The following B3GLCT variants were observed in gnomAD, a reference collection of about 807,000 sequenced individuals.
B3GLCT encodes the protein beta-1,3-glucosyltransferase.
In B3GLCT, 65 loss-of-function variants were observed where a neutral mutation model predicts 63.4. The ratio of observed to expected loss-of-function variants is 1.03; its 90% CI spans 0.84 to 1.26. B3GLCT has a LOEUF of 1.26. B3GLCT is among the 50% of genes most tolerant of loss of function. The pLI is 0.00. For missense variants in B3GLCT, 577 were observed against 604.8 expected (o/e 0.95, Z 0.48); for synonymous variants, 233 against 219.2 (o/e 1.06, Z -0.55).
At chr13:31,270,820 C>CGTTA (rs1872548078) in intron 8 of B3GLCT, among the ~76,000 whole-genome samples, 1 of 152,054 alleles carries the variant, frequency 6.6e-6, no homozygotes. Flanking sequence ...ATTTTTTGCT[C>CGTTA]CTTAGTTCAG....
In B3GLCT at chr13:31,201,089, A is replaced by AT. The variant is rs1387879639; in HGVS notation, c.70+944dup. ...ACTTTGAAAGCTTGAGCGAAAAATT[A>AT]TTTTTTTTTCAGACTGCTACAGAGT... On this transcript the variant is annotated intron_variant, in intron 1 of 14. Coordinates refer to ENST00000343307, the MANE Select transcript of B3GLCT (RefSeq NM_194318.4). Among the ~76,000 whole-genome samples, 377 of 149,174 alleles carry AT rather than the reference A, an allele frequency of 2.5e-3. 2 individuals are homozygous for AT. Among genetic ancestry groups the AT allele is most frequent in the African/African-American group, 8.0e-3 (324 of 40,678 alleles).
intron 8 of B3GLCT, among the ~76,000 whole-genome samples, chr13:31,271,343 CATA>C (rs1475241124): frequency 2.0e-5 from 3 of 152,150 alleles, no homozygotes; most frequent in African/African-American, 7.2e-5. Flanking sequence ...CCCATATGAC[CATA>C]ATAATTTATT....
rs1871996464 is a variant in B3GLCT at position 31,260,958 on chromosome 13, G to A, written c.472G>A (p.Gly158Arg). 7 of 1,613,542 alleles carry A rather than the reference G, an allele frequency of 4.3e-6. No homozygotes were observed. In the East Asian group the frequency reaches 1.6e-4, roughly 36 times the overall value. ...RYDPSKEWFL[G>R]KALHDEEATI... is the part of the protein sequence containing the mutation. The stretch of plus-strand genomic sequence containing the variant: ...CTTTATTTAACAGGAATGGTTTTTG[G>A]GAAAAGCATTACATGATGAAGAAGC... Residue 158 changes from glycine (G) to arginine (R), a missense_variant, in exon 7 of 15, where the codon GGA becomes AGA. Physicochemically the swap from Gly to Arg is moderately radical, Grantham distance 125. Coordinates refer to ENST00000343307, the MANE Select transcript of B3GLCT (RefSeq NM_194318.4).
At chr13:31,277,440 T>C (rs1872851299) in intron 10 of B3GLCT, among the ~76,000 whole-genome samples, 1 of 152,142 alleles carries the variant, frequency 6.6e-6, no homozygotes, top group Admixed American at 6.5e-5. Context: ...TCTCTCTTTT[T>C]GCACCTTATT....
At chr13:31,279,183 C>G (rs1872936118) in intron 10 of B3GLCT, among the ~76,000 whole-genome samples, 1 of 152,102 alleles carries the variant, frequency 6.6e-6, no homozygotes, top group Non-Finnish European at 1.5e-5. Context: ...GGAATTGAAA[C>G]CCACACAGGA....
At chr13:31,253,497 G>A (rs1871542561) in intron 6 of B3GLCT, among the ~76,000 whole-genome samples, 1 of 149,066 alleles carries the variant, frequency 6.7e-6, no homozygotes, top group African/African-American at 2.5e-5. Context: ...GGAGGCTGAG[G>A]CAGGAGAATG....
intron 12 of B3GLCT, among the ~76,000 whole-genome samples, chr13:31,301,360 C>T (rs569012637): frequency 2.1e-4 from 32 of 152,268 alleles, no homozygotes; most frequent in African/African-American, 7.5e-4. Flanking sequence ...TTAACTGGTT[C>T]CAATTTTAGC....
chr13:31,275,785 A>T (rs1052440352), intron 9 of B3GLCT, among the ~76,000 whole-genome samples: 4 of 150,828 alleles, frequency 2.7e-5, no homozygotes, highest in Non-Finnish European at 5.9e-5. Flanking sequence ...AAATACATAG[A>T]CACACACACA....
At chr13:31,246,247 A>G (rs1347814714) in intron 4 of B3GLCT, among the ~76,000 whole-genome samples, 1 of 152,180 alleles carries the variant, frequency 6.6e-6, no homozygotes, top group Admixed American at 6.5e-5. Context: ...TGAGATATGA[A>G]ATTTTTGACT....
chr13:31,278,809 G>A (rs1271049943), intron 10 of B3GLCT, among the ~76,000 whole-genome samples: 1 of 152,060 alleles, frequency 6.6e-6, no homozygotes, highest in Non-Finnish European at 1.5e-5. Flanking sequence ...TACATTTTCT[G>A]GTGTGTTTTT....
chr13:31,200,101 G>A lies in B3GLCT; in HGVS notation c.17G>A (p.Cys6Tyr), dbSNP rs759120105. The change falls in exon 1 of 15, where the codon TGC becomes TAC. Residue 6 changes from cysteine to tyrosine, a missense_variant. Transcript: ENST00000343307. ...GCCGCCAGGATGCGGCCGCCCGCCT[G>A]CTGGTGGCTGCTCGCGCCGCCGGCG... MRPPA[C>Y]WWLLAPPALL... The A allele has an allele frequency of 5.7e-5, 79 of 1,375,972 alleles. No individual in the cohort carries two copies. Among genetic ancestry groups the A allele is most frequent in the Non-Finnish European group, 7.3e-5 (77 of 1,055,100 alleles). 85.2% of individuals were successfully genotyped at this position (1,375,972 alleles called of 1,614,324 possible).
At chr13:31,232,844 G>A (rs934778750) in intron 4 of B3GLCT, among the ~76,000 whole-genome samples, 7 of 152,194 alleles carry the variant, frequency 4.6e-5, no homozygotes, top group Non-Finnish European at 1.0e-4. Flanking sequence ...GCAGAGAATA[G>A]ACTATGTCTT....
intron 12 of B3GLCT, among the ~76,000 whole-genome samples, chr13:31,295,382 A>G (rs965050409): frequency 6.6e-6 from 1 of 152,078 alleles, no homozygotes; most frequent in African/African-American, 2.4e-5. Context: ...GCCGGCAGGC[A>G]TGAACGTTTA....
intron 14 of B3GLCT, among the ~76,000 whole-genome samples, chr13:31,326,541 A>G (rs1875635004): frequency 6.6e-6 from 1 of 151,934 alleles, no homozygotes; most frequent in South Asian, 2.1e-4. Flanking sequence ...TCGGCCTCCC[A>G]AAGTGCTGGG....
chr13:31,271,017 C>A (rs961440166), intron 8 of B3GLCT, among the ~76,000 whole-genome samples: 1 of 152,246 alleles, frequency 6.6e-6, no homozygotes, highest in South Asian at 2.1e-4. Context: ...GGACTCTCCT[C>A]CCCTGCATAA....
chr13:31,201,431 A>G (rs1045785321), intron 1 of B3GLCT, among the ~76,000 whole-genome samples: 2 of 152,198 alleles, frequency 1.3e-5, no homozygotes, highest in Non-Finnish European at 2.9e-5. Flanking sequence ...CACCTCCGGC[A>G]GAGAAGGCTG....
At chr13:31,237,883 C>G (rs1348242330) in intron 4 of B3GLCT, among the ~76,000 whole-genome samples, 1 of 152,114 alleles carries the variant, frequency 6.6e-6, no homozygotes, top group East Asian at 1.9e-4. Context: ...ACCTGGGACC[C>G]CAACTGTGAA....
At chr13:31,232,419 TTAGA>T (rs1870424657) in intron 4 of B3GLCT, among the ~76,000 whole-genome samples, 1 of 90,394 alleles carries the variant, frequency 1.1e-5, no homozygotes, top group South Asian at 3.3e-4. Flanking sequence ...AGCAGGAGGG[TTAGA>T]GAGAGAGGGG....
intron 10 of B3GLCT, among the ~76,000 whole-genome samples, chr13:31,277,045 A>G (rs1872829746): frequency 6.6e-6 from 1 of 152,236 alleles, no homozygotes; most frequent in Admixed American, 6.5e-5. Flanking sequence ...TCAGTGTGGC[A>G]GTCTTGGAGA....
Sources: allele counts gnomAD v4.1 joint callset (sites outside exome capture counted in the v4.1 genomes callset), GRCh38; gene constraint gnomAD v4.1.1; transcripts MANE v1.5; gene names NCBI Gene and HGNC (gene_info 2026-07-23, HGNC 2026-07-21).